The following ADARB2 variants were observed in gnomAD, a reference collection of about 807,000 sequenced individuals.
ADARB2 encodes the protein inactive double-stranded RNA-specific editase B2.
ADARB2 carries 25 observed loss-of-function variants against 62.2 expected under a neutral mutation model. The observed-to-expected ratio is 0.40, with a 90% confidence interval of 0.29 to 0.56. The LOEUF (loss-of-function observed/expected upper bound fraction) is 0.56. ADARB2 is among the 20% of genes least tolerant of loss of function. ADARB2 has a pLI of 0.43. For missense variants in ADARB2, 1,071 were observed against 1,077.4 expected, an observed-to-expected ratio of 0.99 and a Z score of 0.08; for synonymous variants, 572 against 500.8, an observed-to-expected ratio of 1.14 and a Z score of -1.90.
At chr10:1,193,260 G>A (rs1056437815) in intron 8 of ADARB2, among the ~76,000 whole-genome samples, 3 of 152,164 alleles carry the variant, frequency 2.0e-5, no homozygotes, top group Non-Finnish European at 4.4e-5. Context: ...CCGAGGAGTC[G>A]GGAGGATGGA....
intron 7 of ADARB2, among the ~76,000 whole-genome samples, chr10:1,212,354 C>T (rs1290785267): frequency 2.6e-5 from 4 of 152,200 alleles, no homozygotes; most frequent in East Asian, 3.8e-4. Flanking sequence ...GCAAGTGCGG[C>T]GCAATTCTGA....
intron 1 of ADARB2, among the ~76,000 whole-genome samples, chr10:1,383,818 C>T (rs17293789): frequency 0.28 from 42,198 of 152,184 alleles, 6,925 homozygotes; most frequent in Non-Finnish European, 0.36. Context: ...TTGCCTTCCA[C>T]ACTGAGCAAA....
chr10:1,531,674 T>C (rs898132310), intron 1 of ADARB2, among the ~76,000 whole-genome samples: 1 of 152,094 alleles, frequency 6.6e-6, no homozygotes, highest in Non-Finnish European at 1.5e-5. Flanking sequence ...CTGACTCTAC[T>C]AAAAATACAA....
intron 1 of ADARB2, among the ~76,000 whole-genome samples, chr10:1,688,495 G>A (rs1588353113): frequency 1.3e-5 from 2 of 152,112 alleles, no homozygotes; most frequent in South Asian, 4.2e-4. Flanking sequence ...GAGGGCAGGT[G>A]CATTTCTCAC....
At chr10:1,567,082 C>T (rs557244355) in intron 1 of ADARB2, among the ~76,000 whole-genome samples, 6 of 152,114 alleles carry the variant, frequency 3.9e-5, no homozygotes, top group Admixed American at 2.0e-4. Flanking sequence ...GTTTAGAGAG[C>T]GAAGGACGAA....
At chr10:1,626,129 C>A (rs1207172924) in intron 1 of ADARB2, among the ~76,000 whole-genome samples, 2 of 120,024 alleles carry the variant, frequency 1.7e-5, no homozygotes, top group East Asian at 4.2e-4. Flanking sequence ...AACCCCACGT[C>A]TGCCCATGCT....
At chr10:1,340,009 T>G (rs1415143195) in intron 3 of ADARB2, among the ~76,000 whole-genome samples, 1 of 152,062 alleles carries the variant, frequency 6.6e-6, no homozygotes, top group East Asian at 1.9e-4. Context: ...ATTATCAACT[T>G]TCCTGTATGC....
At chr10:1,384,835 C>T (rs1316198810) in intron 1 of ADARB2, among the ~76,000 whole-genome samples, 2 of 152,064 alleles carry the variant, frequency 1.3e-5, no homozygotes, top group African/African-American at 4.8e-5. Flanking sequence ...AGACTCAGCC[C>T]CACATGAGAA....
At chr10:1,328,009 G>A (rs563312547) in intron 3 of ADARB2, among the ~76,000 whole-genome samples, 29 of 61,382 alleles carry the variant, frequency 4.7e-4, no homozygotes, top group East Asian at 3.7e-4. Context: ...AGGCGCCTCC[G>A]CATTCTGGGG....
chr10:1,678,329 C>T (rs1834494185), intron 1 of ADARB2: 1 of 984,930 alleles, frequency 1.0e-6, no homozygotes, highest in Non-Finnish European at 1.2e-6. Context: ...TCAGGGTGAA[C>T]ATCCTCGGGG....
intron 1 of ADARB2, among the ~76,000 whole-genome samples, chr10:1,595,337 A>G (rs1361031871): frequency 6.6e-6 from 1 of 152,248 alleles, no homozygotes; most frequent in Non-Finnish European, 1.5e-5. Flanking sequence ...GTACAGCAAC[A>G]GGGAGACCAG....
chr10:1,423,227 G>T (rs532655494), intron 1 of ADARB2, among the ~76,000 whole-genome samples: 1 of 152,190 alleles, frequency 6.6e-6, no homozygotes, highest in Non-Finnish European at 1.5e-5. Context: ...CCTTGTCCCA[G>T]CTTCACGCCA....
intron 4 of ADARB2, among the ~76,000 whole-genome samples, chr10:1,262,290 A>AATAATAATAATAAT (rs1554749747): frequency 8.9e-6 from 1 of 112,040 alleles, no homozygotes; most frequent in Non-Finnish European, 1.8e-5. Flanking sequence ...CTTAAAGTAT[A>AATAATAATAATAAT]ATAATAATAA....
At chr10:1,299,486 T>C (rs1032610653) in intron 3 of ADARB2, among the ~76,000 whole-genome samples, 7 of 152,198 alleles carry the variant, frequency 4.6e-5, no homozygotes, top group African/African-American at 1.4e-4. Flanking sequence ...TGATTTTAAG[T>C]GTGCAGCCCC....
At chr10:1,452,619 G>T (rs539604123) in intron 1 of ADARB2, among the ~76,000 whole-genome samples, 4 of 148,386 alleles carry the variant, frequency 2.7e-5, no homozygotes, top group African/African-American at 5.0e-5. Flanking sequence ...ACGGGGGTTG[G>T]GGGGGGGAAT....
chr10:1,545,668 T>C (rs979346077), intron 1 of ADARB2, among the ~76,000 whole-genome samples: 1 of 152,110 alleles, frequency 6.6e-6, no homozygotes, highest in Non-Finnish European at 1.5e-5. Flanking sequence ...TTCGTGGGTG[T>C]GGGCAGCCTT....
rs1831707030 is a variant in ADARB2 at position 1,497,403 on chromosome 10, A to C, written c.101-118243T>G. Among the ~76,000 whole-genome samples, 4 of 152,208 alleles carry C rather than the reference A, an allele frequency of 2.6e-5. 1 individual carries two copies. In the South Asian group the frequency reaches 8.3e-4, roughly 31 times the overall value. ...TCTCCATTTTTAGAGACTCACCAAA[A>C]ATTTCTAAATAAGTTTGTGGAAATA... On this transcript the variant is annotated intron_variant, in intron 1 of 9. Coordinates refer to ENST00000381312, the MANE Select transcript of ADARB2 (RefSeq NM_018702.4).
chr10:1,667,352 TAG>T (rs1834327831), intron 1 of ADARB2, among the ~76,000 whole-genome samples: 2 of 152,248 alleles, frequency 1.3e-5, no homozygotes, highest in South Asian at 4.1e-4. Flanking sequence ...TTAAGGACTG[TAG>T]AGACACTCAA....
chr10:1,413,963 G>C (rs897834741), intron 1 of ADARB2, among the ~76,000 whole-genome samples: 2 of 152,152 alleles, frequency 1.3e-5, no homozygotes, highest in Non-Finnish European at 2.9e-5. Flanking sequence ...TCTCAGTGAA[G>C]CCCAAAAAAC....
Sources: gnomAD v4.1 joint callset for allele counts (sites outside exome capture counted in the v4.1 genomes callset) on GRCh38, gnomAD v4.1.1 for gene constraint, MANE v1.5 for transcripts, NCBI Gene and HGNC (gene_info 2026-07-23, HGNC 2026-07-21) for gene names.